ATXN1: variants seen among roughly 807,000 people sequenced by gnomAD.
The protein encoded by ATXN1 is ataxin-1.
Under a neutral mutation model 56.4 loss-of-function variants are expected in ATXN1, and 8 were observed. The observed-to-expected ratio is 0.14, with a 90% confidence interval of 0.08 to 0.26. The LOEUF (loss-of-function observed/expected upper bound fraction) is 0.26, where lower values mean the gene tolerates loss of function less well. ATXN1 is among the 10% of genes least tolerant of loss of function. ATXN1 has a pLI of 1.00. For synonymous variants in ATXN1, 514 were observed against 494.6 expected (o/e 1.04, Z -0.52); for missense variants, 987 against 1,106.5 (o/e 0.89, Z 1.53).
At position 16,306,613 on chromosome 6, in the gene ATXN1, T is replaced by C; in HGVS notation, c.2164A>G (p.Arg722Gly). Residue 722 changes from arginine to glycine, a missense_variant, in exon 8 of 8, where the codon AGG becomes GGG. Arg to Gly is a moderately radical substitution (Grantham distance 125). Around this residue, in one of 3 missense-constraint regions of ATXN1, gnomAD observed 196 missense variants for 196.7 expected, o/e 1.00. Coordinates refer to ENST00000436367, the MANE Select transcript of ATXN1 (RefSeq NM_001128164.2). The surrounding 1 kb of genome is among the most constrained non-coding windows in gnomAD (Gnocchi z 5.2). ...KADGLAGSRH[R>G]YAEQENGINQ... ...ATTCCGTTTTCCTGCTCGGCATACC[T>C]GTGTCTGCTGCCCGCCAGGCCGTCG... 6.2e-7 allele frequency: 1 copy of C among 1,614,242 alleles called. No individual in the cohort carries two copies. The highest frequency in any genetic ancestry group is 8.5e-7 in the Non-Finnish European group (1 of 1,180,038).
intron 6 of ATXN1, among the ~76,000 whole-genome samples, chr6:16,351,405 GTT>G (rs35998688): frequency 5.0e-5 from 7 of 139,810 alleles, no homozygotes; most frequent in Admixed American, 7.2e-5. Context: ...TAATTTCAGG[GTT>G]TTTTTTTTTT....
At chr6:16,583,180 C>T (rs1762558060) in intron 4 of ATXN1, among the ~76,000 whole-genome samples, 1 of 152,114 alleles carries the variant, frequency 6.6e-6, no homozygotes, top group Non-Finnish European at 1.5e-5. Flanking sequence ...TCAGATATTC[C>T]TCTTCTGCTG....
At chr6:16,392,657 G>C (rs1383499009) in intron 6 of ATXN1, among the ~76,000 whole-genome samples, 2 of 151,974 alleles carry the variant, frequency 1.3e-5, no homozygotes, top group African/African-American at 4.8e-5. Flanking sequence ...CACCACACCT[G>C]GCTAATTTTT....
At chr6:16,389,347 GAA>G (rs66826504) in intron 6 of ATXN1, among the ~76,000 whole-genome samples, 3 of 127,770 alleles carry the variant, frequency 2.3e-5, no homozygotes, top group Admixed American at 8.0e-5. Flanking sequence ...CAAAAAAAAA[GAA>G]AAAAAAAAAA....
At chr6:16,586,521 T>C (rs1273523891) in intron 3 of ATXN1, among the ~76,000 whole-genome samples, 1 of 152,190 alleles carries the variant, frequency 6.6e-6, no homozygotes, top group Non-Finnish European at 1.5e-5. Flanking sequence ...TTTACACACA[T>C]TGCCCCACTC....
In ATXN1 at chr6:16,760,047, A is replaced by G. The variant is rs1761025519; in HGVS notation, c.-730+1251T>C. ...ACTCACACTCACGCCGCGCTCCGAC[A>G]CCGCCTCACCTCTCGCTCCGCCCGT... On this transcript the variant is annotated intron_variant, in intron 1 of 7. Transcript: ENST00000436367. This position sits in a 1 kb window ranked among gnomAD's most constrained non-coding sequence, Gnocchi z 5.3. Among the ~76,000 whole-genome samples, 1 of 150,952 alleles carries G rather than the reference A, an allele frequency of 6.6e-6. No homozygotes were observed. Among genetic ancestry groups the G allele is most frequent in the Non-Finnish European group, 1.5e-5 (1 of 67,644 alleles).
At chr6:16,511,922 T>C (rs181724451) in intron 5 of ATXN1, among the ~76,000 whole-genome samples, 1 of 152,328 alleles carries the variant, frequency 6.6e-6, no homozygotes, top group Admixed American at 6.5e-5. Context: ...CGAGGTGGCC[T>C]TCCAGGTAGC....
chr6:16,496,165 T>A (rs887553860), intron 5 of ATXN1, among the ~76,000 whole-genome samples: 1 of 152,210 alleles, frequency 6.6e-6, no homozygotes, highest in Non-Finnish European at 1.5e-5. Context: ...ATTTTCTGAC[T>A]CAATCAGAAC....
rs368755409 is a variant in ATXN1 at position 16,327,358 on chromosome 6, A to G, written c.953T>C (p.Ile318Thr). ...KAESSRLQQAIQAKEVLNGEM... is the reference protein window; with the variant it reads ...KAESSRLQQATQAKEVLNGEM... Reference sequence around the variant, plus strand: ...ACCGTTCAGGACCTCCTTGGCCTGGATGGCCTGCTGCAGCCGGCTGCTCTC... The same window carrying G: ...ACCGTTCAGGACCTCCTTGGCCTGGGTGGCCTGCTGCAGCCGGCTGCTCTC... The change falls in exon 7 of 8, where the codon ATC (isoleucine) becomes ACC (threonine). Residue 318 changes from isoleucine to threonine, a missense_variant. By Grantham distance (89) the Ile-to-Thr change is moderately conservative. This residue lies in a region of ATXN1 where 723 missense variants were observed against 791.7 expected (regional missense o/e 0.91). Coordinates refer to ENST00000436367, the MANE Select transcript of ATXN1 (RefSeq NM_001128164.2). 6.2e-6 allele frequency: 10 copies of G among 1,613,148 alleles called. No individual in the cohort carries two copies. In the African/African-American group the frequency reaches 9.4e-5, roughly 15 times the overall value.
intron 6 of ATXN1, among the ~76,000 whole-genome samples, chr6:16,426,340 A>G (rs1759154141): frequency 6.6e-6 from 1 of 152,136 alleles, no homozygotes; most frequent in African/African-American, 2.4e-5. Context: ...CAGGCAAATG[A>G]GAATGAGAAA....
chr6:16,312,919 C>T (rs1342505635), intron 7 of ATXN1, among the ~76,000 whole-genome samples: 2 of 152,072 alleles, frequency 1.3e-5, no homozygotes, highest in South Asian at 2.1e-4. Flanking sequence ...TCTCTGTTGC[C>T]CAGGCTGGAG....
intron 6 of ATXN1, among the ~76,000 whole-genome samples, chr6:16,374,041 C>G (rs1001208154): frequency 2.7e-5 from 4 of 149,684 alleles, no homozygotes; most frequent in East Asian, 2.0e-4. Flanking sequence ...GGTGATAATA[C>G]ATTGTAATGA....
chr6:16,580,255 A>G (rs1762504105), intron 4 of ATXN1, among the ~76,000 whole-genome samples: 1 of 152,248 alleles, frequency 6.6e-6, no homozygotes, highest in South Asian at 2.1e-4. Context: ...GAATCCTATA[A>G]TGTCAAAAGC....
intron 5 of ATXN1, among the ~76,000 whole-genome samples, chr6:16,492,358 G>A (rs235151): frequency 1.3e-5 from 2 of 151,710 alleles, no homozygotes; most frequent in Admixed American, 1.3e-4. Flanking sequence ...ACACCAGCAT[G>A]GCACATGTAT....
At chr6:16,643,413 G>C (rs573442915) in intron 3 of ATXN1, among the ~76,000 whole-genome samples, 5 of 152,130 alleles carry the variant, frequency 3.3e-5, no homozygotes, top group African/African-American at 1.2e-4. Flanking sequence ...TAGACTGCTT[G>C]AGCCCAGGAG....
intron 4 of ATXN1, among the ~76,000 whole-genome samples, chr6:16,550,978 T>A (rs1274058670): frequency 6.6e-6 from 1 of 152,224 alleles, no homozygotes; most frequent in African/African-American, 2.4e-5. Flanking sequence ...CTAAATAAAC[T>A]AATGAGTTGA....
chr6:16,351,791 A>C (rs1384647441), intron 6 of ATXN1, among the ~76,000 whole-genome samples: 1 of 152,206 alleles, frequency 6.6e-6, no homozygotes, highest in African/African-American at 2.4e-5. Flanking sequence ...TCGCAGCTTG[A>C]GCCTGTCAGC....
chr6:16,667,725 G>T (rs891404088), intron 2 of ATXN1, among the ~76,000 whole-genome samples: 12 of 152,156 alleles, frequency 7.9e-5, no homozygotes, highest in Non-Finnish European at 1.5e-5. Context: ...CTTTTGAAGT[G>T]CTTTCTAAAC....
chr6:16,625,046 G>T (rs377372394), intron 3 of ATXN1, among the ~76,000 whole-genome samples: 1 of 152,160 alleles, frequency 6.6e-6, no homozygotes, highest in South Asian at 2.1e-4. Context: ...AACTGTCAAC[G>T]ATTACTGGGA....
Sources: gnomAD v4.1 joint callset for allele counts (sites outside exome capture counted in the v4.1 genomes callset) on GRCh38, gnomAD v4.1.1 for gene constraint, gnomAD v4.1.1 regional missense constraint, Gnocchi (gnomAD v3.1) non-coding constraint, MANE v1.5 for transcripts, NCBI Gene and HGNC (gene_info 2026-07-23, HGNC 2026-07-21) for gene names.